Variants in RORA observed in about 807,000 individuals in gnomAD.
RORA encodes the protein RAR related orphan receptor A.
In RORA, 7 loss-of-function variants were observed where a neutral mutation model predicts 69.5. The ratio of observed to expected loss-of-function variants is 0.10; its 90% CI spans 0.06 to 0.19. RORA has a LOEUF of 0.19. RORA is among the 10% of genes least tolerant of loss of function. RORA has a pLI of 1.00. For missense variants in RORA, 457 were observed against 663.0 expected (o/e 0.69, Z 3.41); for synonymous variants, 261 against 240.8 (o/e 1.08, Z -0.78).
intron 2 of RORA, among the ~76,000 whole-genome samples, chr15:60,624,607 T>C (rs925775266): frequency 6.7e-6 from 1 of 150,144 alleles, no homozygotes; most frequent in African/African-American, 2.5e-5. Context: ...ACACACACAA[T>C]TATTCATTGG....
At chr15:60,709,847 ACTC>A (rs2071118699) in intron 1 of RORA, among the ~76,000 whole-genome samples, 1 of 150,936 alleles carries the variant, frequency 6.6e-6, no homozygotes, top group Non-Finnish European at 1.5e-5. Flanking sequence ...ATCCCCCAAC[ACTC>A]CTGCCCCACT....
chr15:60,892,452 C>T (rs1036052886), intron 1 of RORA, among the ~76,000 whole-genome samples: 6 of 152,136 alleles, frequency 3.9e-5, no homozygotes, highest in African/African-American at 7.2e-5. Flanking sequence ...CACCTGAACC[C>T]GTGCCTTATA....
chr15:61,118,316 A>T (rs995158364), intron 1 of RORA, among the ~76,000 whole-genome samples: 5 of 152,200 alleles, frequency 3.3e-5, no homozygotes, highest in Non-Finnish European at 7.4e-5. Context: ...CTCGTAAGAT[A>T]AAGCCCGGTA....
At chr15:61,041,385 A>G (rs1452429139) in intron 1 of RORA, among the ~76,000 whole-genome samples, 1 of 149,404 alleles carries the variant, frequency 6.7e-6, no homozygotes, top group Non-Finnish European at 1.5e-5. Flanking sequence ...ATCCTATTAG[A>G]AAAAAGGAGG....
At chr15:60,799,774 T>C (rs753581240) in intron 1 of RORA, among the ~76,000 whole-genome samples, 2 of 152,166 alleles carry the variant, frequency 1.3e-5, no homozygotes, top group Admixed American at 1.3e-4. Flanking sequence ...GAGACTGCAA[T>C]AGCAGAGAGG....
chr15:60,616,018 AG>A (rs1038266093), intron 2 of RORA, among the ~76,000 whole-genome samples: 2 of 152,246 alleles, frequency 1.3e-5, no homozygotes, highest in Non-Finnish European at 2.9e-5. Context: ...CTCCAGGAGA[AG>A]CAAATGCACC....
chr15:60,674,176 C>G (rs1322373559), intron 2 of RORA, among the ~76,000 whole-genome samples: 1 of 152,190 alleles, frequency 6.6e-6, no homozygotes, highest in Non-Finnish European at 1.5e-5. Context: ...ACCAAAGCAC[C>G]TTCCATTAGC....
chr15:60,542,388 G>A (rs370165507), intron 2 of RORA, among the ~76,000 whole-genome samples: 24 of 149,930 alleles, frequency 1.6e-4, no homozygotes, highest in East Asian at 9.8e-4. Context: ...CCACACATAC[G>A]TACACTACAC....
At chr15:61,112,793 G>A (rs899161381) in intron 1 of RORA, among the ~76,000 whole-genome samples, 3 of 152,166 alleles carry the variant, frequency 2.0e-5, no homozygotes, top group Admixed American at 6.5e-5. Flanking sequence ...AGTGCCCCTC[G>A]GGGCAATGGG....
chr15:61,045,139 A>C (rs1363564006), intron 1 of RORA, among the ~76,000 whole-genome samples: 1 of 152,132 alleles, frequency 6.6e-6, no homozygotes, highest in African/African-American at 2.4e-5. Flanking sequence ...TAATTCCCAC[A>C]TGTCCAGGGA....
intron 1 of RORA, among the ~76,000 whole-genome samples, chr15:61,039,925 G>A (rs1407805461): frequency 6.6e-6 from 1 of 151,188 alleles, no homozygotes; most frequent in Non-Finnish European, 1.5e-5. Flanking sequence ...AGGTAATTCT[G>A]ATGCACTTTC....
At chr15:60,899,025 A>C (rs771236258) in intron 1 of RORA, among the ~76,000 whole-genome samples, 4 of 152,186 alleles carry the variant, frequency 2.6e-5, no homozygotes. Context: ...CTAGCATTTG[A>C]GTAAGGGGTG....
intron 1 of RORA, among the ~76,000 whole-genome samples, chr15:60,771,116 G>C (rs933731696): frequency 6.6e-6 from 1 of 152,128 alleles, no homozygotes; most frequent in Non-Finnish European, 1.5e-5. Flanking sequence ...TAACTCTTAA[G>C]GTAGGACTTC....
rs569162196 is a variant in RORA at position 60,798,551 on chromosome 15, C to T, written c.167-119865G>A. 4.9e-4 allele frequency among the ~76,000 whole-genome samples: 74 copies of T among 151,828 alleles called. No individual in the cohort carries two copies. The South Asian group carries it at 0.013, about 27-fold the overall frequency. On this transcript the variant is annotated intron_variant, in intron 1 of 10. Transcript: ENST00000335670. ...GCAGCAAGGTACCCTAAGCAAGAAG[C>T]AAGTATTCACCACCAGAGTGGGAAG...
At chr15:60,929,751 C>T (rs1200190194) in intron 1 of RORA, among the ~76,000 whole-genome samples, 1 of 152,134 alleles carries the variant, frequency 6.6e-6, no homozygotes, top group Non-Finnish European at 1.5e-5. Flanking sequence ...GAGTGCTCAT[C>T]CTGAAGTGTG....
At chr15:61,173,636 A>C (rs1173575314) in intron 1 of RORA, among the ~76,000 whole-genome samples, 1 of 152,166 alleles carries the variant, frequency 6.6e-6, no homozygotes, top group Non-Finnish European at 1.5e-5. Context: ...TAAAATCAAA[A>C]TACGGAATGA....
rs11362081 is a variant in RORA, at chr15:60,878,170, C to CAAAA, written c.167-199488_167-199485dup. On this transcript the variant is annotated intron_variant, in intron 1 of 10. Transcript: ENST00000335670. ...TGAAACCCTGCTTCTACTAAAAATA[C>CAAAA]AAAAAAAAAAAAAAAAAAAAAAAAT... Among the ~76,000 whole-genome samples the CAAAA allele has an allele frequency of 3.2e-3, 220 of 69,660 alleles. 2 individuals carry two copies. The highest frequency in any genetic ancestry group is 0.01 in the East Asian group (21 of 2,038). The allele number at this position is 69,660 out of a possible 152,430, so 45.7% of individuals were successfully genotyped here. A position where few individuals can be genotyped will look rare whatever the true frequency, so the allele number is the denominator to read the frequency against.
At chr15:60,747,258 G>T (rs2071662121) in intron 1 of RORA, among the ~76,000 whole-genome samples, 1 of 152,076 alleles carries the variant, frequency 6.6e-6, no homozygotes. Flanking sequence ...TAGAAACAAG[G>T]CAAGCTGGTG....
In RORA at chr15:60,941,968, A is replaced by C. The variant is rs141945334; in HGVS notation, c.167-263282T>G. ...CTTTGCATTACCCACCAGTCCAGTG[A>C]GCAGGCAAATCTCCTATGCATAAAA... On this transcript the variant is annotated intron_variant, in intron 1 of 10. Transcript: ENST00000335670. Among the ~76,000 whole-genome samples, 179 of 152,364 alleles carry C rather than the reference A, an allele frequency of 1.2e-3. 2 individuals are homozygous for C. Among genetic ancestry groups the C allele is most frequent in the African/African-American group, 3.9e-3 (164 of 41,582 alleles).
Sources: allele counts gnomAD v4.1 joint callset (sites outside exome capture counted in the v4.1 genomes callset), GRCh38; gene constraint gnomAD v4.1.1; transcripts MANE v1.5; gene names NCBI Gene and HGNC (gene_info 2026-07-23, HGNC 2026-07-21).